Variants in CUL1 observed in about 807,000 individuals in gnomAD.
CUL1 encodes cullin 1, also known as cullin-1.
CUL1 carries 24 observed loss-of-function variants against 118.0 expected under a neutral mutation model. The observed-to-expected ratio is 0.20, with a 90% CI of 0.15 to 0.29. CUL1 has a LOEUF of 0.29. Ranked by LOEUF, CUL1 falls within the 10% of genes least tolerant of loss-of-function variation. The probability of loss-of-function intolerance (pLI) is 1.00; values close to 1 mark genes in which losing one functional copy is unlikely to be tolerated. For missense variants in CUL1, 361 were observed against 933.8 expected (o/e 0.39, Z 7.99); for synonymous variants, 332 against 340.4 (o/e 0.98, Z 0.27).
chr7:148,739,417 A>G (rs551673550), intron 2 of CUL1, among the ~76,000 whole-genome samples: 2 of 152,326 alleles, frequency 1.3e-5, no homozygotes, highest in South Asian at 4.1e-4. Context: ...TTCAAAGCAC[A>G]GTTGATCCTG....
Position 148,800,485 on chromosome 7 carries a change from T to C in CUL1, c.2251-17T>C, listed in dbSNP as rs766396692. On this transcript the variant is annotated splice_polypyrimidine_tract_variant and intron_variant, in intron 21 of 21. Transcript: ENST00000325222. The surrounding 1 kb of genome is among the most constrained non-coding windows in gnomAD (Gnocchi z 4.6). ...CTTCTCTTTCACTACCTCTTCCTTT[T>C]TAAAAATAACACCCAGAAATGCATT... 6.2e-7 allele frequency: 1 copy of C among 1,606,324 alleles called. No homozygotes were observed. The highest frequency in any genetic ancestry group is 1.7e-5 in the Admixed American group (1 of 59,946).
intron 9 of CUL1, among the ~76,000 whole-genome samples, chr7:148,778,070 CAAAAAAAAAA>C (rs1203417069): frequency 6.5e-4 from 9 of 13,798 alleles, no homozygotes; most frequent in East Asian, 3.3e-3. Flanking sequence ...GACCCTGTCT[CAAAAAAAAAA>C]AAAAAAAAAA....
chr7:148,759,958 AATTGAG>A (rs1162244436), intron 6 of CUL1, among the ~76,000 whole-genome samples: 1 of 152,174 alleles, frequency 6.6e-6, no homozygotes, highest in African/African-American at 2.4e-5. Context: ...CAGCTTGAAA[AATTGAG>A]ATTGAGAAAC....
chr7:148,782,642 CT>C (rs541863674), intron 9 of CUL1, among the ~76,000 whole-genome samples: 174 of 152,164 alleles, frequency 1.1e-3, no homozygotes, highest in African/African-American at 3.8e-3. Flanking sequence ...TTATATAGAG[CT>C]TTTTTTAACA....
chr7:148,751,975 G>A (rs550968534), intron 2 of CUL1, among the ~76,000 whole-genome samples: 10 of 152,214 alleles, frequency 6.6e-5, no homozygotes, highest in East Asian at 1.9e-4. Flanking sequence ...TTAGCCAGGC[G>A]TGGTGGCGCC....
intron 1 of CUL1, among the ~76,000 whole-genome samples, chr7:148,724,607 G>A (rs1367885126): frequency 6.6e-6 from 1 of 152,158 alleles, no homozygotes; most frequent in East Asian, 1.9e-4. Flanking sequence ...TCCCTCTCCG[G>A]GGATTGGCCG....
intron 4 of CUL1, among the ~76,000 whole-genome samples, chr7:148,758,622 AAAAAG>A (rs1799736703): frequency 6.6e-6 from 1 of 152,216 alleles, no homozygotes. Context: ...GTCTCAAGAA[AAAAAG>A]AAAAGCATAA....
chr7:148,698,342 G>A (rs1473585753), upstream of CUL1: 3 of 152,544 alleles, frequency 2.0e-5, no homozygotes, highest in Middle Eastern at 3.4e-3. Context: ...TCTTCTTCGG[G>A]GTGCTTCGGG....
At chr7:148,788,714 AG>A (rs1278657545) in intron 14 of CUL1, 40 bp downstream of exon 14, 2 of 1,270,464 alleles carry the variant, frequency 1.6e-6, no homozygotes, top group Admixed American at 3.8e-5. Context: ...TTACAGGCAG[AG>A]TTCTCTGTAG....
intron 1 of CUL1, among the ~76,000 whole-genome samples, chr7:148,712,176 C>T (rs1798073213): frequency 6.6e-6 from 1 of 152,210 alleles, no homozygotes; most frequent in Non-Finnish European, 1.5e-5. Flanking sequence ...TGAAAGCTCT[C>T]CAGTAGCGGC....
rs1366683687 is a variant in CUL1 at position 148,730,223 on chromosome 7, G to A, written c.101G>A (p.Arg34Gln). 11 of 1,614,050 alleles carry A rather than the reference G, an allele frequency of 6.8e-6. No individual in the cohort carries two copies. Among genetic ancestry groups the A allele is most frequent in the East Asian group, 2.2e-5 (1 of 44,874 alleles). The change falls in exon 2 of 22, where the codon CGG (arginine) becomes CAG (glutamine). Residue 34 changes from arginine to glutamine, a missense_variant. By Grantham distance (43) the Arg-to-Gln change is conservative. Transcript: ENST00000325222. ...LRAGIQQVYTRQSMAKSRYME... is the reference protein window; with the variant it reads ...LRAGIQQVYTQQSMAKSRYME... ...GCCGGCATCCAGCAGGTGTACACAC[G>A]GCAGAGCATGGCCAAGTCCAGATAT...
intron 1 of CUL1, among the ~76,000 whole-genome samples, chr7:148,703,955 G>C (rs1185393124): frequency 4.6e-5 from 7 of 152,154 alleles, no homozygotes; most frequent in Non-Finnish European, 8.8e-5. Flanking sequence ...TCTCAAGATG[G>C]AGAAGACCTA....
chr7:148,725,215 G>GCACACACACACACACA (rs1448782052), intron 1 of CUL1, among the ~76,000 whole-genome samples: 5 of 69,036 alleles, frequency 7.2e-5, no homozygotes, highest in African/African-American at 3.0e-4. Context: ...ACACACACGC[G>GCACACACACACACACA]CGCGCTCACA....
In CUL1 at chr7:148,786,616, C is replaced by T. The variant is rs1800823598; in HGVS notation, c.1347+17C>T. ...AATCAAGTGGTAAGTGCTTCATGAG[C>T]ATACCCATTTCCAGTAGCTGTGTAT... On this transcript the variant is annotated intron_variant, in intron 12 of 21. Coordinates refer to ENST00000325222, the MANE Select transcript of CUL1 (RefSeq NM_003592.3). The T allele has an allele frequency of 6.2e-7, 1 of 1,607,274 alleles. No individual in the cohort carries two copies. Among genetic ancestry groups the T allele is most frequent in the East Asian group, 2.2e-5 (1 of 44,802 alleles).
At chr7:148,785,581 C>G (rs1800787882) in intron 11 of CUL1, among the ~76,000 whole-genome samples, 1 of 148,132 alleles carries the variant, frequency 6.8e-6, no homozygotes, top group Admixed American at 6.8e-5. Context: ...CCAGGCTCGT[C>G]TCGAACTCCT....
intron 9 of CUL1, among the ~76,000 whole-genome samples, chr7:148,778,272 A>G (rs17171109): frequency 0.083 from 12,604 of 151,928 alleles, 643 homozygotes; most frequent in African/African-American, 0.13. Context: ...TTATTTCTAA[A>G]TGATTTTTGA....
intron 9 of CUL1, among the ~76,000 whole-genome samples, chr7:148,774,773 C>T (rs186047289): frequency 6.6e-6 from 1 of 152,294 alleles, no homozygotes; most frequent in Non-Finnish European, 1.5e-5. Context: ...GCTGCTGGGT[C>T]TAACATTGGA....
chr7:148,710,871 T>G (rs1397503619), intron 1 of CUL1, among the ~76,000 whole-genome samples: 1 of 152,062 alleles, frequency 6.6e-6, no homozygotes. Context: ...TTTCACCATG[T>G]TGGTCAGGCT....
Position 148,753,159 on chromosome 7 carries a change from G to A in CUL1, c.141-817G>A, listed in dbSNP as rs3800944. ...TTATTAGATAATCTATCTTTTACCC[G>A]TTGTCTTGAAGTATCTTTATATAGT... On this transcript the variant is annotated intron_variant, in intron 2 of 21. Transcript: ENST00000325222. 1.1e-3 allele frequency among the ~76,000 whole-genome samples: 168 copies of A among 152,050 alleles called. 1 individual carries two copies. The East Asian group carries it at 0.011, about 10-fold the overall frequency.
Sources: allele counts gnomAD v4.1 joint callset (sites outside exome capture counted in the v4.1 genomes callset), GRCh38; gene constraint gnomAD v4.1.1; non-coding constraint Gnocchi (gnomAD v3.1); transcripts MANE v1.5; gene names NCBI Gene and HGNC (gene_info 2026-07-23, HGNC 2026-07-21).